IMMP2L: variants seen among roughly 807,000 people sequenced by gnomAD.
IMMP2L encodes the protein inner mitochondrial membrane peptidase subunit 2.
IMMP2L carries 18 observed loss-of-function variants against 19.3 expected under a neutral mutation model. That is an observed-to-expected ratio of 0.93 (90% confidence interval 0.64 to 1.38). The LOEUF (loss-of-function observed/expected upper bound fraction) is 1.38, where lower values mean the gene tolerates loss of function less well. Among genes scored for constraint, IMMP2L ranks in the 40% most tolerant of loss-of-function variants. The pLI, the probability that IMMP2L is intolerant of heterozygous loss-of-function variation, is 0.00. For missense variants in IMMP2L, 233 were observed against 218.2 expected (o/e 1.07, Z -0.43); for synonymous variants, 76 against 73.0 (o/e 1.04, Z -0.21).
intron 4 of IMMP2L, among the ~76,000 whole-genome samples, chr7:110,894,289 A>G (rs1811106391): frequency 6.6e-6 from 1 of 152,308 alleles, no homozygotes; most frequent in South Asian, 2.1e-4. Context: ...TTAATTAGAT[A>G]CTGCAAGGGG....
At chr7:110,774,541 T>G (rs1351352646) in intron 5 of IMMP2L, among the ~76,000 whole-genome samples, 1 of 152,112 alleles carries the variant, frequency 6.6e-6, no homozygotes, top group African/African-American at 2.4e-5. Context: ...TTAAATATAG[T>G]TATGTGCCAC....
rs148956136 is a variant in IMMP2L at position 111,047,648 on chromosome 7, T to C, written c.240-84083A>G. Among the ~76,000 whole-genome samples, 533 of 152,300 alleles carry C rather than the reference T, an allele frequency of 3.5e-3. 3 individuals are homozygous for C. The highest frequency in any genetic ancestry group is 0.012 in the African/African-American group (517 of 41,568). ...TCACACTCATCTAACTGTATGCTAA[T>C]ATCTAATTATGTGTCTTCTTAGAAA... On this transcript the variant is annotated intron_variant, in intron 3 of 5. Coordinates refer to ENST00000405709, the MANE Select transcript of IMMP2L (RefSeq NM_032549.4).
rs1801428248 is a variant in IMMP2L, at chr7:110,803,870, A to C, written c.408+82723T>G. Among the ~76,000 whole-genome samples the C allele has an allele frequency of 6.6e-6, 1 of 152,024 alleles. No individual in the cohort carries two copies. The highest frequency in any genetic ancestry group is 1.5e-5 in the Non-Finnish European group (1 of 67,974). ...TTAGACATGCAAATTATCTTGCCCC[A>C]CCTAAGACCTGGTGAATTACAAAGT... On this transcript the variant is annotated intron_variant, in intron 5 of 5. Transcript: ENST00000405709. The surrounding 1 kb of genome is among the most constrained non-coding windows in gnomAD (Gnocchi z 4.2).
rs578258730 is a variant in IMMP2L, at chr7:111,288,389, T to C, written c.239+198849A>G. 5.9e-5 allele frequency among the ~76,000 whole-genome samples: 9 copies of C among 152,204 alleles called. 1 individual carries two copies. Among genetic ancestry groups the C allele is most frequent in the Non-Finnish European group, 1.3e-4 (9 of 67,998 alleles). On this transcript the variant is annotated intron_variant, in intron 3 of 5. Coordinates refer to ENST00000405709, the MANE Select transcript of IMMP2L (RefSeq NM_032549.4). The stretch of plus-strand genomic sequence containing the variant: ...GACACAGGAATGGGAAAAGACTTCA[T>C]GACTAAAACACCAAAAGCAATGGCA...
chr7:111,281,096 AAGAG>A (rs1304390534), intron 3 of IMMP2L, among the ~76,000 whole-genome samples: 1 of 51,924 alleles, frequency 1.9e-5, no homozygotes, highest in Non-Finnish European at 3.2e-5. Flanking sequence ...AAGAGAGAGA[AAGAG>A]AGAAAGAGAG....
intron 5 of IMMP2L, among the ~76,000 whole-genome samples, chr7:110,868,575 T>C (rs1246065592): frequency 6.6e-6 from 1 of 152,120 alleles, no homozygotes; most frequent in Non-Finnish European, 1.5e-5. Flanking sequence ...TGTCAGGCCC[T>C]GGGCTAGGCA....
chr7:111,254,691 G>A (rs1483984997), intron 3 of IMMP2L, among the ~76,000 whole-genome samples: 1 of 151,970 alleles, frequency 6.6e-6, no homozygotes, highest in Admixed American at 6.6e-5. Context: ...TTGGTTCCAG[G>A]ACCACCCACA....
chr7:111,358,968 G>C (rs537757904), intron 3 of IMMP2L, among the ~76,000 whole-genome samples: 36 of 152,068 alleles, frequency 2.4e-4, no homozygotes, highest in Non-Finnish European at 4.4e-4. Flanking sequence ...CATTTCAGTT[G>C]TGTTCTTTCA....
chr7:110,818,280 A>C (rs1802716462), intron 5 of IMMP2L, among the ~76,000 whole-genome samples: 2 of 152,066 alleles, frequency 1.3e-5, no homozygotes, highest in Admixed American at 1.3e-4. Flanking sequence ...AAAAACAAAC[A>C]ACCCCATCAA....
chr7:111,009,903 C>G (rs1252580758), intron 3 of IMMP2L, among the ~76,000 whole-genome samples: 2 of 152,100 alleles, frequency 1.3e-5, no homozygotes, highest in Non-Finnish European at 2.9e-5. Flanking sequence ...TTCTGTAACA[C>G]TGCTTCAAGG....
At chr7:111,421,268 T>TA (rs1491151998) in intron 3 of IMMP2L, among the ~76,000 whole-genome samples, 1 of 89,622 alleles carries the variant, frequency 1.1e-5, no homozygotes, top group African/African-American at 6.3e-5. Flanking sequence ...TGTTTTTTTC[T>TA]TTTTTTTTTT....
chr7:110,831,751 G>T (rs1210661015), intron 5 of IMMP2L, among the ~76,000 whole-genome samples: 2 of 152,140 alleles, frequency 1.3e-5, no homozygotes, highest in Non-Finnish European at 2.9e-5. Context: ...TAGAGGGAAA[G>T]AATCTGCAGA....
chr7:111,058,040 G>C (rs768365548), intron 3 of IMMP2L, among the ~76,000 whole-genome samples: 2 of 152,040 alleles, frequency 1.3e-5, no homozygotes, highest in Non-Finnish European at 2.9e-5. Flanking sequence ...CAATAGAAAG[G>C]CCTGAGCTAA....
intron 4 of IMMP2L, among the ~76,000 whole-genome samples, chr7:110,921,748 C>T (rs2129550550): frequency 6.6e-6 from 1 of 152,238 alleles, no homozygotes; most frequent in South Asian, 2.1e-4. Context: ...CTTAACTACC[C>T]ATGGCATACC....
intron 5 of IMMP2L, among the ~76,000 whole-genome samples, chr7:110,814,854 T>C (rs534424099): frequency 6.6e-6 from 1 of 151,988 alleles, no homozygotes; most frequent in South Asian, 2.1e-4. Context: ...AACTTGTTAA[T>C]AGAAATTTGT....
intron 1 of IMMP2L, among the ~76,000 whole-genome samples, chr7:111,537,331 A>G (rs1031027995): frequency 6.6e-6 from 1 of 152,128 alleles, no homozygotes; most frequent in Non-Finnish European, 1.5e-5. Context: ...GAATGACTCT[A>G]TCATCCAAAC....
At chr7:110,843,432 A>G (rs957653509) in intron 5 of IMMP2L, among the ~76,000 whole-genome samples, 20 of 152,172 alleles carry the variant, frequency 1.3e-4, no homozygotes, top group African/African-American at 4.8e-4. Flanking sequence ...TATACTTACT[A>G]GATAAACATG....
At chr7:110,939,669 G>A (rs528505253) in intron 4 of IMMP2L, among the ~76,000 whole-genome samples, 54 of 152,230 alleles carry the variant, frequency 3.5e-4, no homozygotes, top group South Asian at 6.2e-4. Context: ...CTTTAGAAAA[G>A]CATGCCTATA....
intron 3 of IMMP2L, among the ~76,000 whole-genome samples, chr7:111,283,927 C>T (rs570094690): frequency 6.9e-6 from 1 of 145,216 alleles, no homozygotes; most frequent in African/African-American, 2.6e-5. Flanking sequence ...GCCGAGATCC[C>T]GCCACTGCAC....
Sources: allele counts gnomAD v4.1 joint callset (sites outside exome capture counted in the v4.1 genomes callset), GRCh38; gene constraint gnomAD v4.1.1; non-coding constraint Gnocchi (gnomAD v3.1); transcripts MANE v1.5; gene names NCBI Gene and HGNC (gene_info 2026-07-23, HGNC 2026-07-21).